The following LRRK1 variants were observed in gnomAD, a reference collection of about 807,000 sequenced individuals.
The protein encoded by LRRK1 is leucine-rich repeat serine/threonine-protein kinase 1.
In LRRK1, 113 loss-of-function variants were observed where a neutral mutation model predicts 209.1. That is an observed-to-expected ratio of 0.54 (90% CI 0.46 to 0.63). The LOEUF (loss-of-function observed/expected upper bound fraction) is 0.63. Ranked by LOEUF, LRRK1 falls within the 30% of genes least tolerant of loss-of-function variation. The probability of loss-of-function intolerance (pLI) is 0.00; values close to 1 mark genes in which losing one functional copy is unlikely to be tolerated. For missense variants in LRRK1, 2,284 were observed against 2,632.2 expected (o/e 0.87, Z 2.89); for synonymous variants, 1,144 against 1,099.7 (o/e 1.04, Z -0.80).
At chr15:101,064,355 C>T (rs1031112912) in intron 31 of LRRK1, 1 of 153,778 alleles carries the variant, frequency 6.5e-6, no homozygotes, top group African/African-American at 2.4e-5. Flanking sequence ...GCATGAGGCC[C>T]AGCTCCCTGC....
At chr15:100,966,153 A>G (rs1027005364) in intron 2 of LRRK1, among the ~76,000 whole-genome samples, 1 of 152,334 alleles carries the variant, frequency 6.6e-6, no homozygotes, top group East Asian at 1.9e-4. Flanking sequence ...TTAAGTTTAA[A>G]TCAAAAGTTA....
intron 3 of LRRK1, among the ~76,000 whole-genome samples, chr15:100,981,205 C>T (rs1217016301): frequency 6.6e-6 from 1 of 152,168 alleles, no homozygotes; most frequent in East Asian, 1.9e-4. Context: ...CTGTCTGGGT[C>T]CCTCTTGGCC....
In LRRK1 at chr15:101,027,196, A is replaced by G; in HGVS notation, c.2406-65A>G. On this transcript the variant is annotated intron_variant, in intron 17 of 33. Coordinates refer to ENST00000388948, the MANE Select transcript of LRRK1 (RefSeq NM_024652.6). This position sits in a 1 kb window ranked among gnomAD's most constrained non-coding sequence, Gnocchi z 5.1. Reference sequence around the variant, plus strand: ...TTCAGGACAAACCTCTCAGGGAAACAGAGAAGCAGCAGCGCTTCCTCGGAG... The same window carrying G: ...TTCAGGACAAACCTCTCAGGGAAACGGAGAAGCAGCAGCGCTTCCTCGGAG... 2 of 1,590,770 alleles carry G rather than the reference A, an allele frequency of 1.3e-6. No homozygotes were observed. The highest frequency in any genetic ancestry group is 1.1e-5 in the South Asian group (1 of 88,148).
At chr15:100,935,624 T>C (rs2042286633) in intron 2 of LRRK1, among the ~76,000 whole-genome samples, 1 of 152,122 alleles carries the variant, frequency 6.6e-6, no homozygotes, top group Non-Finnish European at 1.5e-5. Flanking sequence ...AGGGCCAGGA[T>C]GGTGGGGTAG....
chr15:100,962,506 G>A (rs2030060647), intron 2 of LRRK1, among the ~76,000 whole-genome samples: 1 of 151,774 alleles, frequency 6.6e-6, no homozygotes, highest in South Asian at 2.1e-4. Flanking sequence ...CTCCAGCCTG[G>A]GTGACAGAGT....
At chr15:101,034,619 A>G (rs1242807811) in intron 20 of LRRK1, among the ~76,000 whole-genome samples, 2 of 152,004 alleles carry the variant, frequency 1.3e-5, no homozygotes, top group African/African-American at 4.8e-5. Flanking sequence ...CTAGGTGTCT[A>G]TTTTTATACT....
intron 1 of LRRK1, among the ~76,000 whole-genome samples, chr15:100,921,772 AG>A (rs1185685383): frequency 6.6e-6 from 1 of 152,198 alleles, no homozygotes; most frequent in Non-Finnish European, 1.5e-5. Context: ...GTTGGAGTGC[AG>A]TGGTGCAATC....
Position 101,061,250 on chromosome 15 carries a change from C to T in LRRK1, c.4759C>T (p.Gln1587Ter). The T allele has an allele frequency of 6.2e-7, 1 of 1,614,064 alleles. No homozygotes were observed. Among genetic ancestry groups the T allele is most frequent in the Non-Finnish European group, 8.5e-7 (1 of 1,179,954 alleles). ...MCCPGMKVSC[Q>*]LQVQRSLWTA... Reference sequence around the variant, plus strand: ...CTGCCCTGGGATGAAGGTGAGCTGCCAGCTCCAGGTCCAGAGATCCCTGTG... The same window carrying T: ...CTGCCCTGGGATGAAGGTGAGCTGCTAGCTCCAGGTCCAGAGATCCCTGTG... Residue 1587 changes from glutamine (Q) to a stop codon, truncating the protein, a stop_gained, in exon 30 of 34, where the codon CAG becomes TAG. Coordinates refer to ENST00000388948, the MANE Select transcript of LRRK1 (RefSeq NM_024652.6). LOFTEE classifies it high-confidence loss of function.
Position 101,029,129 on chromosome 15 carries a change from C to T in LRRK1, c.2860C>T (p.Leu954Phe). 6.2e-7 allele frequency: 1 copy of T among 1,614,096 alleles called. No homozygotes were observed. The change falls in exon 20 of 34, where the codon CTC becomes TTC. Residue 954 changes from leucine to phenylalanine, a missense_variant. Coordinates refer to ENST00000388948, the MANE Select transcript of LRRK1 (RefSeq NM_024652.6). ...AKNGVIRAED[L>F]RMLLVGTGFT... Reference sequence around the variant, plus strand: ...GAATGGGGTGATCAGAGCAGAAGACCTCAGGATGCTGCTGGTGGGGACTGG... The same window carrying T: ...GAATGGGGTGATCAGAGCAGAAGACTTCAGGATGCTGCTGGTGGGGACTGG...
chr15:100,950,971 C>T (rs902799663), intron 2 of LRRK1, among the ~76,000 whole-genome samples: 9 of 152,234 alleles, frequency 5.9e-5, no homozygotes, highest in South Asian at 4.1e-4. Context: ...GGCGTGGTGG[C>T]GGGCGCCTGT....
At chr15:100,924,483 T>C (rs1017424494) in intron 1 of LRRK1, 28 bp from the exon 2 acceptor site, 23 of 628,354 alleles carry the variant, frequency 3.7e-5, no homozygotes, top group Admixed American at 1.8e-4. Flanking sequence ...TATAAAGGCT[T>C]TCTGTTTTGA....
At chr15:100,920,309 TGATA>T (rs1364893253) in intron 1 of LRRK1, 1 of 152,214 alleles carries the variant, frequency 6.6e-6, no homozygotes, top group Non-Finnish European at 1.5e-5. Flanking sequence ...TGTACACTAA[TGATA>T]GAGTTTGCCA....
chr15:101,057,064 C>A lies in LRRK1; in HGVS notation c.4527+14C>A, dbSNP rs770774269. ...AAGCCAGAGAAGGTACTTGGGGACA[C>A]AGAGCCCAGGGCCTGGGACCTCCTG... On this transcript the variant is annotated intron_variant, in intron 28 of 33. Coordinates refer to ENST00000388948, the MANE Select transcript of LRRK1 (RefSeq NM_024652.6). 2 of 1,578,306 alleles carry A rather than the reference C, an allele frequency of 1.3e-6. No individual in the cohort carries two copies. The highest frequency in any genetic ancestry group is 2.3e-5 in the South Asian group (2 of 85,642).
intron 6 of LRRK1, among the ~76,000 whole-genome samples, chr15:100,997,490 T>G (rs940387006): frequency 1.3e-4 from 20 of 152,156 alleles, no homozygotes; most frequent in Non-Finnish European, 2.1e-4. Flanking sequence ...AATTTACATA[T>G]AAGAAAACAC....
intron 6 of LRRK1, among the ~76,000 whole-genome samples, chr15:101,002,231 C>T (rs984584597): frequency 6.6e-6 from 1 of 152,250 alleles, no homozygotes; most frequent in African/African-American, 2.4e-5. Context: ...GTGAAGGTGT[C>T]TAGCACCCTC....
chr15:100,983,502 C>G (rs1567214569), intron 3 of LRRK1, 26 bp from the exon 4 acceptor site: 3 of 1,553,592 alleles, frequency 1.9e-6, no homozygotes, highest in Non-Finnish European at 2.6e-6. Context: ...GCCAGTCTCA[C>G]TGGAGCCCTG....
chr15:100,959,060 G>A (rs149694670), intron 2 of LRRK1, among the ~76,000 whole-genome samples: 155 of 152,322 alleles, frequency 1.0e-3, no homozygotes, highest in African/African-American at 3.7e-3. Flanking sequence ...TTAGGGAAGG[G>A]TTGGAGGGGG....
At chr15:100,980,004 C>A (rs2031511590) in intron 3 of LRRK1, among the ~76,000 whole-genome samples, 1 of 152,108 alleles carries the variant, frequency 6.6e-6, no homozygotes, top group Non-Finnish European at 1.5e-5. Context: ...TACAATCACG[C>A]TGGAAACTAG....
At chr15:100,995,007 A>G (rs935692922) in intron 6 of LRRK1, among the ~76,000 whole-genome samples, 3 of 152,212 alleles carry the variant, frequency 2.0e-5, no homozygotes, top group African/African-American at 7.2e-5. Flanking sequence ...CTTCACTGAC[A>G]TGACACATGG....
Sources: gnomAD v4.1 joint callset for allele counts (sites outside exome capture counted in the v4.1 genomes callset) on GRCh38, gnomAD v4.1.1 for gene constraint, Gnocchi (gnomAD v3.1) non-coding constraint, MANE v1.5 for transcripts, NCBI Gene and HGNC (gene_info 2026-07-23, HGNC 2026-07-21) for gene names.